FLRT1: variants seen among roughly 807,000 people sequenced by gnomAD.
FLRT1 encodes leucine-rich repeat transmembrane protein FLRT1.
A neutral mutation model predicts 30.9 loss-of-function variants in FLRT1; 14 were observed. The ratio of observed to expected loss-of-function variants is 0.45; its 90% CI spans 0.30 to 0.71. The LOEUF (loss-of-function observed/expected upper bound fraction) is 0.71. FLRT1 is among the 30% of genes least tolerant of loss of function. The pLI, the probability that FLRT1 is intolerant of heterozygous loss-of-function variation, is 0.08. For synonymous variants in FLRT1, 368 were observed against 430.4 expected, an observed-to-expected ratio of 0.85 and a Z score of 1.80; for missense variants, 737 against 949.2, an observed-to-expected ratio of 0.78 and a Z score of 2.94.
At chr11:64,060,609 G>A (rs2060194155) in intron 1 of FLRT1, 1 of 152,254 alleles carries the variant, frequency 6.6e-6, no homozygotes, top group South Asian at 2.1e-4. Flanking sequence ...CTGAGGATTA[G>A]AACTGGTGAA....
At position 64,117,285 on chromosome 11, in the gene FLRT1, C is replaced by T. The variant is rs752324400; in HGVS notation, c.1018C>T (p.Arg340Trp). The T allele has an allele frequency of 2.5e-6, 4 of 1,614,036 alleles. No homozygotes were observed. The highest frequency in any genetic ancestry group is 1.7e-5 in the Admixed American group (1 of 60,014). Reference sequence around the variant, plus strand: ...TTGTGGCTGCAACCTCATGTGGCTGCGGGACTGGGTGAAGGCACGGGCGGC... The same window carrying T: ...TTGTGGCTGCAACCTCATGTGGCTGTGGGACTGGGTGAAGGCACGGGCGGC... ...WFCGCNLMWL[R>W]DWVKARAAVV... Residue 340 changes from arginine to tryptophan, a missense_variant, in exon 3 of 3, where the codon CGG becomes TGG. Transcript: ENST00000682287.
At chr11:64,075,651 C>G (rs1018877074) in intron 1 of FLRT1, among the ~76,000 whole-genome samples, 2 of 152,226 alleles carry the variant, frequency 1.3e-5, no homozygotes, top group African/African-American at 4.8e-5. Context: ...AGAAGGGGGA[C>G]CCCGAATCTG....
At chr11:64,039,341 T>C (rs909219255) in intron 1 of FLRT1, among the ~76,000 whole-genome samples, 1 of 152,126 alleles carries the variant, frequency 6.6e-6, no homozygotes, top group African/African-American at 2.4e-5. Context: ...AGCGCCAGCC[T>C]CTGGGAGGCC....
At chr11:64,088,985 A>G (rs1192845530) in intron 1 of FLRT1, among the ~76,000 whole-genome samples, 1 of 152,090 alleles carries the variant, frequency 6.6e-6, no homozygotes, top group Non-Finnish European at 1.5e-5. Flanking sequence ...AGGTTACCAG[A>G]CTCAGAGAGA....
At chr11:64,095,253 C>T (rs755430827) in intron 1 of FLRT1, among the ~76,000 whole-genome samples, 5 of 152,164 alleles carry the variant, frequency 3.3e-5, no homozygotes, top group African/African-American at 7.2e-5. Flanking sequence ...GTCTCTCAGG[C>T]GCACTTTAAG....
intron 1 of FLRT1, among the ~76,000 whole-genome samples, chr11:64,078,877 C>G (rs1413617362): frequency 6.6e-6 from 1 of 152,166 alleles, no homozygotes; most frequent in East Asian, 1.9e-4. Context: ...GCAGAGGGGA[C>G]AGCGAGAACT....
Position 64,078,169 on chromosome 11 carries a change from C to G in FLRT1, c.-1037-25025C>G, listed in dbSNP as rs188576766. ...CAACCTCAACCCTCCTTGTGCCCAG[C>G]TCTGTGCCCGCCCCAGAGATGCAGA... On this transcript the variant is annotated intron_variant, in intron 1 of 2. Coordinates refer to ENST00000682287, the MANE Select transcript of FLRT1 (RefSeq NM_013280.5). Among the ~76,000 whole-genome samples the G allele has an allele frequency of 2.5e-3, 378 of 152,334 alleles. 1 individual carries two copies. The highest frequency in any genetic ancestry group is 8.7e-3 in the African/African-American group (362 of 41,584).
Position 64,067,674 on chromosome 11 carries a change from G to A in FLRT1, c.-1038+31515G>A, listed in dbSNP as rs1477821580. On this transcript the variant is annotated intron_variant, in intron 1 of 2. Coordinates refer to ENST00000682287, the MANE Select transcript of FLRT1 (RefSeq NM_013280.5). The surrounding 1 kb of genome is among the most constrained non-coding windows in gnomAD (Gnocchi z 4.6). Reference sequence around the variant, plus strand: ...CCCAAGCAGGCAGCTGGAGGGCTGGGGTGCCTGGAGCTGCCCTGCCTGCAG... The same window carrying A: ...CCCAAGCAGGCAGCTGGAGGGCTGGAGTGCCTGGAGCTGCCCTGCCTGCAG... 6.6e-6 allele frequency among the ~76,000 whole-genome samples: 1 copy of A among 152,174 alleles called. No individual in the cohort carries two copies. Among genetic ancestry groups the A allele is most frequent in the Non-Finnish European group, 1.5e-5 (1 of 68,032 alleles).
At chr11:64,081,885 G>A (rs1338570386) in intron 1 of FLRT1, 2 of 152,146 alleles carry the variant, frequency 1.3e-5, no homozygotes, top group Non-Finnish European at 2.9e-5. Flanking sequence ...TCGGTGGTGG[G>A]GCTGGAGCTT....
In FLRT1 at chr11:64,117,410, G is replaced by C. The variant is rs371386706; in HGVS notation, c.1143G>C (p.Thr381=). The change falls in exon 3 of 3, where the codon ACG becomes ACC. Residue 381 remains threonine (T), a synonymous_variant. Coordinates refer to ENST00000682287, the MANE Select transcript of FLRT1 (RefSeq NM_013280.5). ...ITSEMDECFE[T]GPQGGVANAA... ...GCGAGATGGACGAGTGTTTTGAGAC[G>C]GGGCCGCAGGGCGGCGTGGCCAATG... The C allele has an allele frequency of 8.1e-6, 13 of 1,612,172 alleles. No homozygotes were observed. Among genetic ancestry groups the C allele is most frequent in the Non-Finnish European group, 1.1e-5 (13 of 1,178,504 alleles).
chr11:64,109,980 G>A (rs1305873965), intron 2 of FLRT1, among the ~76,000 whole-genome samples: 1 of 152,156 alleles, frequency 6.6e-6, no homozygotes, highest in African/African-American at 2.4e-5. Context: ...GAGACTTGGG[G>A]CAGCTTTTAA....
intron 1 of FLRT1, among the ~76,000 whole-genome samples, chr11:64,044,179 CA>C (rs1184052719): frequency 6.6e-6 from 1 of 151,902 alleles, no homozygotes; most frequent in Non-Finnish European, 1.5e-5. Flanking sequence ...TGAGAGTAAT[CA>C]ACACAGCAAT....
chr11:64,037,017 C>G (rs990909180), intron 1 of FLRT1, among the ~76,000 whole-genome samples: 12 of 152,292 alleles, frequency 7.9e-5, no homozygotes, highest in African/African-American at 2.6e-4. Context: ...CCCGGTGGCC[C>G]CGGGAGGTCT....
At chr11:64,078,076 T>C (rs1240677900) in intron 1 of FLRT1, among the ~76,000 whole-genome samples, 4 of 152,150 alleles carry the variant, frequency 2.6e-5, no homozygotes, top group African/African-American at 9.7e-5. Context: ...TGGCCTTCCC[T>C]TTCACAGTCA....
chr11:64,117,188 C>T lies in FLRT1; in HGVS notation c.921C>T (p.Thr307=), dbSNP rs1301458586. The T allele has an allele frequency of 6.2e-7, 1 of 1,614,150 alleles. No homozygotes were observed. Among genetic ancestry groups the T allele is most frequent in the South Asian group, 1.1e-5 (1 of 91,090 alleles). ...ERLDLSNNNL[T]TLPRGLFDDL... ...TGGACCTGTCCAACAACAACCTGAC[C>T]ACGCTGCCCCGCGGCCTGTTCGACG... The change falls in exon 3 of 3, where the codon ACC becomes ACT. Residue 307 remains threonine, a synonymous_variant. Transcript: ENST00000682287.
chr11:64,112,807 G>T (rs1253284807), intron 2 of FLRT1, among the ~76,000 whole-genome samples: 1 of 152,202 alleles, frequency 6.6e-6, no homozygotes, highest in Non-Finnish European at 1.5e-5. Flanking sequence ...TGCCACATAG[G>T]ATTGCACAGG....
At position 64,064,904 on chromosome 11, in the gene FLRT1, G is replaced by T. The variant is rs1943968876; in HGVS notation, c.-1038+28745G>T. 6.6e-6 allele frequency among the ~76,000 whole-genome samples: 1 copy of T among 152,122 alleles called. No individual in the cohort carries two copies. Among genetic ancestry groups the T allele is most frequent in the Non-Finnish European group, 1.5e-5 (1 of 68,024 alleles). On this transcript the variant is annotated intron_variant, in intron 1 of 2. Coordinates refer to ENST00000682287, the MANE Select transcript of FLRT1 (RefSeq NM_013280.5). This position sits in a 1 kb window ranked among gnomAD's most constrained non-coding sequence, Gnocchi z 4.5. ...ATGAGTGCTTCCAGAGCCCACCTATGACGTGCCAGGCAAGGCGGCAGGCAG... is the reference window on the plus strand; with the variant it reads ...ATGAGTGCTTCCAGAGCCCACCTATTACGTGCCAGGCAAGGCGGCAGGCAG...
In FLRT1 at chr11:64,116,727, G is replaced by A. The variant is rs560975821; in HGVS notation, c.460G>A (p.Glu154Lys). 1.9e-6 allele frequency: 3 copies of A among 1,613,728 alleles called. No individual in the cohort carries two copies. Among genetic ancestry groups the A allele is most frequent in the African/African-American group, 2.7e-5 (2 of 75,054 alleles). ...RDSLARIPLL[E>K]KLHLDDNSVS... ...CTCGCTGGCCCGCATCCCGCTGCTG[G>A]AGAAGCTGCACCTGGATGACAACTC... Residue 154 changes from glutamate to lysine, a missense_variant, in exon 3 of 3, where the codon GAG becomes AAG. Physicochemically the swap from Glu to Lys is moderately conservative, Grantham distance 56. Coordinates refer to ENST00000682287, the MANE Select transcript of FLRT1 (RefSeq NM_013280.5).
intron 1 of FLRT1, among the ~76,000 whole-genome samples, chr11:64,097,584 C>T (rs922915910): frequency 3.3e-5 from 5 of 152,228 alleles, no homozygotes; most frequent in Admixed American, 3.3e-4. Context: ...CGCACACTCT[C>T]GCAAATACCC....
Sources: allele counts gnomAD v4.1 joint callset (sites outside exome capture counted in the v4.1 genomes callset), GRCh38; gene constraint gnomAD v4.1.1; non-coding constraint Gnocchi (gnomAD v3.1); transcripts MANE v1.5; gene names NCBI Gene and HGNC (gene_info 2026-07-23, HGNC 2026-07-21).